The following ROBO2 variants were observed in gnomAD, a reference collection of about 807,000 sequenced individuals.
ROBO2 encodes roundabout homolog 2.
Under a neutral mutation model 160.8 loss-of-function variants are expected in ROBO2, and 53 were observed. That is an observed-to-expected ratio of 0.33 (90% CI 0.26 to 0.41). The LOEUF is 0.41. Ranked by LOEUF, ROBO2 falls within the 10% of genes least tolerant of loss-of-function variation. The pLI, the probability that ROBO2 is intolerant of heterozygous loss-of-function variation, is 1.00. For synonymous variants in ROBO2, 664 were observed against 611.7 expected (o/e 1.09, Z -1.26); for missense variants, 1,577 against 1,722.4 (o/e 0.92, Z 1.49).
intron 2 of ROBO2, among the ~76,000 whole-genome samples, chr3:76,319,368 G>A (rs765423847): frequency 2.0e-5 from 3 of 151,950 alleles, no homozygotes; most frequent in East Asian, 3.9e-4. Flanking sequence ...TTGCTCTATC[G>A]AAGACACTTG....
chr3:76,585,229 T>C (rs1373460851), intron 2 of ROBO2, among the ~76,000 whole-genome samples: 2 of 152,216 alleles, frequency 1.3e-5, no homozygotes, highest in Non-Finnish European at 2.9e-5. Context: ...TAAGGGACTT[T>C]ATTTTACTAT....
At chr3:76,444,601 T>A (rs1389343514) in intron 2 of ROBO2, among the ~76,000 whole-genome samples, 1 of 152,066 alleles carries the variant, frequency 6.6e-6, no homozygotes, top group East Asian at 1.9e-4. Flanking sequence ...ACCATCAGAT[T>A]TCGTGAGAAC....
intron 2 of ROBO2, among the ~76,000 whole-genome samples, chr3:76,141,077 A>ATATAT (rs1553656028): frequency 1.8e-4 from 19 of 105,910 alleles, no homozygotes; most frequent in South Asian, 3.2e-4. Context: ...ATATATATAT[A>ATATAT]AAATATATGT....
At chr3:76,140,190 C>G in intron 2 of ROBO2, among the ~76,000 whole-genome samples, 1 of 151,998 alleles carries the variant, frequency 6.6e-6, no homozygotes, top group East Asian at 1.9e-4. Flanking sequence ...TACATGAAAG[C>G]TGAAGAGCTT....
intron 2 of ROBO2, among the ~76,000 whole-genome samples, chr3:77,013,435 A>G (rs940957942): frequency 3.3e-5 from 5 of 152,266 alleles, no homozygotes; most frequent in African/African-American, 1.2e-4. Flanking sequence ...CTTTGATGTA[A>G]AATTATTTTA....
intron 2 of ROBO2, among the ~76,000 whole-genome samples, chr3:76,962,403 C>G (rs930151143): frequency 6.6e-6 from 1 of 152,006 alleles, no homozygotes; most frequent in Non-Finnish European, 1.5e-5. Flanking sequence ...CTTTGGAAGG[C>G]TGAGGCAGGC....
At chr3:77,433,300 G>A (rs2078962140) in intron 2 of ROBO2, among the ~76,000 whole-genome samples, 1 of 151,684 alleles carries the variant, frequency 6.6e-6, no homozygotes, top group Admixed American at 6.6e-5. Context: ...TAATTTATTA[G>A]CTAGGAGAGT....
chr3:76,016,306 A>G (rs2066402924), intron 2 of ROBO2, among the ~76,000 whole-genome samples: 1 of 152,078 alleles, frequency 6.6e-6, no homozygotes, highest in South Asian at 2.1e-4. Flanking sequence ...ATTCTGGAGA[A>G]GTGTGATATC....
At chr3:76,197,319 T>C (rs76790208) in intron 2 of ROBO2, among the ~76,000 whole-genome samples, 13 of 148,402 alleles carry the variant, frequency 8.8e-5, no homozygotes, top group Non-Finnish European at 1.8e-4. Context: ...GATAATCCAC[T>C]GAGCTAATCA....
intron 5 of ROBO2, among the ~76,000 whole-genome samples, chr3:77,504,342 G>A (rs2088136839): frequency 6.6e-6 from 1 of 151,570 alleles, no homozygotes; most frequent in South Asian, 2.1e-4. Context: ...TAAATAAATG[G>A]CAGTTGTTAT....
At chr3:76,934,314 C>T (rs9837818) in intron 2 of ROBO2, among the ~76,000 whole-genome samples, 72,725 of 151,690 alleles carry the variant, frequency 0.48, 18,283 homozygotes, top group African/African-American at 0.64. Context: ...GATGATTCTC[C>T]CTTACTGTTT....
intron 2 of ROBO2, among the ~76,000 whole-genome samples, chr3:76,874,913 C>T (rs538926232): frequency 1.3e-5 from 2 of 152,122 alleles, no homozygotes; most frequent in Non-Finnish European, 1.5e-5. Flanking sequence ...ATATATGTAA[C>T]GGAATTCATT....
chr3:76,793,149 GTATT>G (rs2063475515), intron 2 of ROBO2, among the ~76,000 whole-genome samples: 1 of 151,600 alleles, frequency 6.6e-6, no homozygotes, highest in South Asian at 2.1e-4. Context: ...CTGTAAGACT[GTATT>G]TATAATATTG....
rs887103645 is a variant in ROBO2, at chr3:76,639,841, G to A, written c.110-458173G>A. Among the ~76,000 whole-genome samples the A allele has an allele frequency of 4.1e-4, 62 of 152,178 alleles. No individual in the cohort carries two copies. In the Middle Eastern group the frequency reaches 0.01, roughly 25 times the overall value. On this transcript the variant is annotated intron_variant, in intron 2 of 26. Coordinates refer to the ROBO2 transcript ENST00000487694. ...TTCCCCACACATTTAAAAGCTTCTA[G>A]TAGGTCAATTCATAAGAAAAATAAT...
intron 2 of ROBO2, among the ~76,000 whole-genome samples, chr3:76,118,347 C>T (rs1401566561): frequency 6.6e-6 from 1 of 152,058 alleles, no homozygotes; most frequent in African/African-American, 2.4e-5. Flanking sequence ...GCCATGTGTC[C>T]AACTGTTATC....
At chr3:77,382,133 C>T (rs551024590) in intron 2 of ROBO2, among the ~76,000 whole-genome samples, 1 of 152,066 alleles carries the variant, frequency 6.6e-6, no homozygotes, top group Non-Finnish European at 1.5e-5. Flanking sequence ...CAGAAACAAG[C>T]TTTTTAAAGC....
intron 2 of ROBO2, among the ~76,000 whole-genome samples, chr3:76,475,420 AT>A (rs1196270919): frequency 2.0e-5 from 3 of 152,110 alleles, no homozygotes; most frequent in Non-Finnish European, 2.9e-5. Context: ...AGGATGTTGG[AT>A]TTTATTCTGA....
chr3:76,431,150 A>G (rs1429504677), intron 2 of ROBO2, among the ~76,000 whole-genome samples: 1 of 152,118 alleles, frequency 6.6e-6, no homozygotes, highest in Non-Finnish European at 1.5e-5. Flanking sequence ...TAAAAAGATA[A>G]ACCATTGCTT....
intron 2 of ROBO2, among the ~76,000 whole-genome samples, chr3:76,005,752 T>C (rs2066004435): frequency 6.6e-6 from 1 of 152,134 alleles, no homozygotes; most frequent in South Asian, 2.1e-4. Flanking sequence ...ATTCCTTACT[T>C]TGAATGTTGA....
Sources: gnomAD v4.1 joint callset for allele counts (sites outside exome capture counted in the v4.1 genomes callset) on GRCh38, gnomAD v4.1.1 for gene constraint, MANE v1.5 for transcripts, NCBI Gene and HGNC (gene_info 2026-07-23, HGNC 2026-07-21) for gene names.